The following CBX2 variants were observed in gnomAD, a reference collection of about 807,000 sequenced individuals.
CBX2 encodes the protein chromobox protein homolog 2.
Under a neutral mutation model 21.0 loss-of-function variants are expected in CBX2, and 11 were observed. That is an observed-to-expected ratio of 0.52 (90% CI 0.33 to 0.87). The LOEUF (loss-of-function observed/expected upper bound fraction) is 0.87. Among genes scored for constraint, CBX2 ranks in the 40% least tolerant of loss-of-function variants. CBX2 has a pLI of 0.02. For synonymous variants in CBX2, 364 were observed against 304.6 expected, an observed-to-expected ratio of 1.19 and a Z score of -2.03; for missense variants, 746 against 724.3, an observed-to-expected ratio of 1.03 and a Z score of -0.34.
chr17:79,779,318 TC>T, intron 2 of CBX2, 43 bp from the exon 3 acceptor site: 2 of 1,594,532 alleles, frequency 1.3e-6, no homozygotes, highest in Non-Finnish European at 1.7e-6. Flanking sequence ...AAAGCGGTGA[TC>T]ATCAGCCTGG....
Position 79,784,035 on chromosome 17 carries a change from A to T in CBX2, c.592A>T (p.Ser198Cys). 6.2e-7 allele frequency: 1 copy of T among 1,612,952 alleles called. No individual in the cohort carries two copies. The highest frequency in any genetic ancestry group is 8.5e-7 in the Non-Finnish European group (1 of 1,179,940). ...TARKDLGAPA[S>C]KLPPPLSAPV... is the part of the protein sequence containing the mutation. ...CCGGAAGGATCTGGGGGCCCCGGCCAGCAAGCTGCCCCCTCCACTCAGCGC... is the reference window on the plus strand; with the variant it reads ...CCGGAAGGATCTGGGGGCCCCGGCCTGCAAGCTGCCCCCTCCACTCAGCGC... The change falls in exon 5 of 5, where the codon AGC becomes TGC. Residue 198 changes from serine (S) to cysteine (C), a missense_variant. By Grantham distance (112) the Ser-to-Cys change is moderately radical. Around this residue, in one of 2 missense-constraint regions of CBX2, gnomAD observed 701 missense variants for 650.7 expected, o/e 1.08. Coordinates refer to ENST00000310942, the MANE Select transcript of CBX2 (RefSeq NM_005189.3). This position sits in a 1 kb window ranked among gnomAD's most constrained non-coding sequence, Gnocchi z 5.9.
At position 79,786,940 on chromosome 17, in the gene CBX2, C is replaced by T. The variant is rs1555832158; in HGVS notation, c.*1898C>T. ...TCGTTGAGGGCCATCCATATGCCAG[C>T]TGGGGGCCAGCCCACAGTGGCCATA... On this transcript the variant is annotated 3_prime_UTR_variant, in exon 5 of 5. Coordinates refer to ENST00000310942, the MANE Select transcript of CBX2 (RefSeq NM_005189.3). 6.5e-6 allele frequency: 1 copy of T among 152,714 alleles called. No individual in the cohort carries two copies. Among genetic ancestry groups the T allele is most frequent in the Non-Finnish European group, 1.5e-5 (1 of 68,078 alleles). The allele number at this position is 152,714 out of a possible 1,614,324, so 9.5% of individuals were successfully genotyped here. A position where few individuals can be genotyped will look rare whatever the true frequency, so the allele number is the denominator to read the frequency against.
chr17:79,777,929 GC>G (rs1175173218), upstream of CBX2, among the ~76,000 whole-genome samples: 46 of 126,508 alleles, frequency 3.6e-4, no homozygotes, highest in African/African-American at 9.5e-4. Flanking sequence ...CCCCACCCCC[GC>G]CCCCGCCCCC....
Position 79,778,360 on chromosome 17 carries a change from A to AC in CBX2, c.73-23dup. ...CCGCCGCCCGCTGTCCGTCTGGCTC[A>AC]CGGCCCCTCTTCTCTCCCCGCAGGG... On this transcript the variant is annotated intron_variant, in intron 1 of 4. Coordinates refer to ENST00000310942, the MANE Select transcript of CBX2 (RefSeq NM_005189.3). The surrounding 1 kb of genome is among the most constrained non-coding windows in gnomAD (Gnocchi z 4.8). The AC allele has an allele frequency of 6.3e-7, 1 of 1,582,010 alleles. No homozygotes were observed. Among genetic ancestry groups the AC allele is most frequent in the Non-Finnish European group, 8.6e-7 (1 of 1,169,258 alleles).
At position 79,785,436 on chromosome 17, in the gene CBX2, C is replaced by T. The variant is rs1031049267; in HGVS notation, c.*394C>T. 9 of 287,496 alleles carry T rather than the reference C, an allele frequency of 3.1e-5. No homozygotes were observed. Among genetic ancestry groups the T allele is most frequent in the Non-Finnish European group, 2.0e-5 (3 of 146,868 alleles). The allele number at this position is 287,496 out of a possible 1,614,324, so 17.8% of individuals were successfully genotyped here. On this transcript the variant is annotated 3_prime_UTR_variant, in exon 5 of 5. Coordinates refer to ENST00000310942, the MANE Select transcript of CBX2 (RefSeq NM_005189.3). ...ACTGAATCACAGCTTTGGTCCCTGTCTTGCAGGGGCTGAGGTGTCAGGAGG... is the reference window on the plus strand; with the variant it reads ...ACTGAATCACAGCTTTGGTCCCTGTTTTGCAGGGGCTGAGGTGTCAGGAGG...
Position 79,785,430 on chromosome 17 carries a change from C to A in CBX2, c.*388C>A. On this transcript the variant is annotated 3_prime_UTR_variant, in exon 5 of 5. Transcript: ENST00000310942. ...TGCGTGACTGAATCACAGCTTTGGT[C>A]CCTGTCTTGCAGGGGCTGAGGTGTC... 3.4e-6 allele frequency: 1 copy of A among 295,382 alleles called. No homozygotes were observed. Among genetic ancestry groups the A allele is most frequent in the South Asian group, 3.9e-5 (1 of 25,588 alleles). The allele number at this position is 295,382 out of a possible 1,614,324, so 18.3% of individuals were successfully genotyped here. A position where few individuals can be genotyped will look rare whatever the true frequency, so the allele number is the denominator to read the frequency against.
intron 3 of CBX2, among the ~76,000 whole-genome samples, chr17:79,781,473 C>T (rs1907194232): frequency 6.6e-6 from 1 of 152,182 alleles, no homozygotes; most frequent in African/African-American, 2.4e-5. Flanking sequence ...GCTTTCCTGT[C>T]TTCAGCTTGT....
upstream of CBX2, among the ~76,000 whole-genome samples, chr17:79,777,437 A>C (rs1906798963): frequency 6.6e-6 from 1 of 152,206 alleles, no homozygotes; most frequent in African/African-American, 2.4e-5. Flanking sequence ...GGCTGGATCC[A>C]CTTTTCATAG....
rs141882296 is a variant in CBX2, at chr17:79,786,486, G to C, written c.*1444G>C. 1.3e-5 allele frequency: 2 copies of C among 152,714 alleles called. No individual in the cohort carries two copies. Among genetic ancestry groups the C allele is most frequent in the African/African-American group, 2.4e-5 (1 of 41,452 alleles). 9.5% of individuals were successfully genotyped at this position (152,714 alleles called of 1,614,324 possible). A position where few individuals can be genotyped will look rare whatever the true frequency, so the allele number is the denominator to read the frequency against. On this transcript the variant is annotated 3_prime_UTR_variant, in exon 5 of 5. Transcript: ENST00000310942. ...CCCTGTTAACTCAAGACTGTGAGCT[G>C]CCTCTAGGTGGTCACGTCTGGGAGC... is the stretch of plus-strand genomic sequence containing the variant.
At position 79,784,731 on chromosome 17, in the gene CBX2, T is replaced by C; in HGVS notation, c.1288T>C (p.Cys430Arg). ...APPTPASKRDCVKGSATPSGQ... is the reference protein window; with the variant it reads ...APPTPASKRDRVKGSATPSGQ... ...ACCCACCCCTGCCAGCAAGAGGGAC[T>C]GTGTCAAGGGCAGTGCTACCCCCAG... is the stretch of plus-strand genomic sequence containing the variant. The change falls in exon 5 of 5, where the codon TGT becomes CGT. Residue 430 changes from cysteine (C) to arginine (R), a missense_variant. Cys to Arg is a radical substitution (Grantham distance 180). Transcript: ENST00000310942. This position sits in a 1 kb window ranked among gnomAD's most constrained non-coding sequence, Gnocchi z 5.9. 1 of 1,611,392 alleles carries C rather than the reference T, an allele frequency of 6.2e-7. No homozygotes were observed. Among genetic ancestry groups the C allele is most frequent in the South Asian group, 1.1e-5 (1 of 90,858 alleles).
rs1907539858 is a variant in CBX2, at chr17:79,785,030, G to C, written c.1587G>C (p.Leu529=). The change falls in exon 5 of 5, where the codon CTG becomes CTC. Residue 529 remains leucine, a synonymous_variant. Transcript: ENST00000310942. ...CCACCAGCGTGGGCTTCTTCAACCT[G>C]AGGCATTACTGAAGCCCCGGCGCCA... ...ESPTSVGFFN[L]RHY is the part of the protein sequence containing the mutation. 3.1e-6 allele frequency: 5 copies of C among 1,600,506 alleles called. No homozygotes were observed. In the East Asian group the frequency reaches 1.1e-4, roughly 36 times the overall value.
chr17:79,779,650 A>G lies in CBX2; in HGVS notation c.182+223A>G, dbSNP rs1907021203. 1.7e-5 allele frequency: 10 copies of G among 582,460 alleles called. 1 individual carries two copies. In the South Asian group the frequency reaches 2.0e-4, roughly 12 times the overall value. 36.1% of individuals were successfully genotyped at this position (582,460 alleles called of 1,614,324 possible). On this transcript the variant is annotated intron_variant, in intron 3 of 4. Transcript: ENST00000310942. ...CAGCCTGTATCCATCCCTGAGAAGA[A>G]CCTAAGTAAGTGCTGCTTTGGTGTT...
At chr17:79,781,990 G>T (rs199765900) in intron 4 of CBX2, 189 bp downstream of exon 4, 1 of 1,614,002 alleles carries the variant, frequency 6.2e-7, no homozygotes, top group African/African-American at 1.3e-5. Context: ...GGCCCCAGCC[G>T]GCTGAGAGTT....
Position 79,784,523 on chromosome 17 carries a change from T to C in CBX2, c.1080T>C (p.Ser360=). 1.2e-5 allele frequency: 20 copies of C among 1,611,154 alleles called. No homozygotes were observed. The highest frequency in any genetic ancestry group is 1.7e-5 in the Non-Finnish European group (20 of 1,179,466). ...GCCTCCAGGTCTTGGACTTGCAGAG[T>C]GTCAAGAATGGCATGCCCGGGGTGG... The part of the protein sequence containing the change: ...ELSLQVLDLQ[S]VKNGMPGVGL... The change falls in exon 5 of 5, where the codon AGT becomes AGC. Residue 360 remains serine, a synonymous_variant. Transcript: ENST00000310942. The surrounding 1 kb of genome is among the most constrained non-coding windows in gnomAD (Gnocchi z 5.9).
At chr17:79,781,638 C>A in intron 3 of CBX2, 58 bp from the exon 4 acceptor site, 1 of 1,455,522 alleles carries the variant, frequency 6.9e-7, no homozygotes, top group Non-Finnish European at 9.7e-7. Flanking sequence ...TAGAGTCCCA[C>A]ATGGTAGAAG....
chr17:79,779,841 C>G (rs1324642652), intron 3 of CBX2: 1 of 279,460 alleles, frequency 3.6e-6, no homozygotes, highest in Non-Finnish European at 7.2e-6. Context: ...GCCCTGCACG[C>G]GTGTGCCATC....
chr17:79,782,995 C>T (rs1459935422), intron 4 of CBX2, among the ~76,000 whole-genome samples: 2 of 152,112 alleles, frequency 1.3e-5, no homozygotes, highest in Admixed American at 6.5e-5. Flanking sequence ...TACTGAAGCC[C>T]ACTTGGTGTA....
chr17:79,784,268 G>T lies in CBX2; in HGVS notation c.825G>T (p.Ala275=). The T allele has an allele frequency of 3.7e-6, 6 of 1,612,952 alleles. No homozygotes were observed. Among genetic ancestry groups the T allele is most frequent in the Non-Finnish European group, 5.1e-6 (6 of 1,179,852 alleles). The change falls in exon 5 of 5, where the codon GCG becomes GCT. Residue 275 remains alanine (A), a synonymous_variant. Transcript: ENST00000310942. The surrounding 1 kb of genome is among the most constrained non-coding windows in gnomAD (Gnocchi z 5.9). ...AGGCCCAGGCTGCCAGCAGGTTGGC[G>T]CTGAAGGCCCAGGCCACCAACAAGT... is the stretch of plus-strand genomic sequence containing the variant. ...QSQAQAASRL[A]LKAQATNKCG...
upstream of CBX2, chr17:79,778,121 C>CG: frequency 3.0e-6 from 1 of 331,776 alleles, no homozygotes; most frequent in East Asian, 1.8e-4. The surrounding 1 kb of genome is among the most constrained non-coding windows in gnomAD (Gnocchi z 4.8). Context: ...TGCGCGTGCG[C>CG]GGGGCGGGCC....
Sources: gnomAD v4.1 joint callset for allele counts (sites outside exome capture counted in the v4.1 genomes callset) on GRCh38, gnomAD v4.1.1 for gene constraint, gnomAD v4.1.1 regional missense constraint, Gnocchi (gnomAD v3.1) non-coding constraint, MANE v1.5 for transcripts, NCBI Gene and HGNC (gene_info 2026-07-23, HGNC 2026-07-21) for gene names.